The following CHSY3 variants were observed in gnomAD, a reference collection of about 807,000 sequenced individuals.
CHSY3 encodes chondroitin sulfate synthase 3.
In CHSY3, 35 loss-of-function variants were observed where a neutral mutation model predicts 67.2. The observed-to-expected ratio is 0.52, with a 90% CI of 0.40 to 0.69. The LOEUF (loss-of-function observed/expected upper bound fraction) is 0.69. Among genes scored for constraint, CHSY3 ranks in the 30% least tolerant of loss-of-function variants. The pLI is 0.00. For missense variants in CHSY3, 1,069 were observed against 1,138.5 expected (o/e 0.94, Z 0.88); for synonymous variants, 474 against 434.7 (o/e 1.09, Z -1.12).
chr5:130,098,330 A>G (rs1323996252), intron 2 of CHSY3, among the ~76,000 whole-genome samples: 6 of 152,070 alleles, frequency 3.9e-5, no homozygotes, highest in Non-Finnish European at 8.8e-5. Flanking sequence ...TTCTCCTATA[A>G]CTTGGAAGGT....
intron 2 of CHSY3, among the ~76,000 whole-genome samples, chr5:129,927,151 A>T (rs1761143346): frequency 6.6e-6 from 1 of 151,818 alleles, no homozygotes; most frequent in African/African-American, 2.4e-5. Flanking sequence ...TTAAATTTCA[A>T]CTGAATTTTC....
intron 2 of CHSY3, among the ~76,000 whole-genome samples, chr5:130,007,790 T>C (rs547517244): frequency 2.5e-4 from 38 of 152,286 alleles, no homozygotes; most frequent in African/African-American, 8.7e-4. Context: ...CTGTTGGTTC[T>C]GTTCAGAACA....
chr5:130,055,551 G>A (rs1765503202), intron 2 of CHSY3, among the ~76,000 whole-genome samples: 1 of 152,082 alleles, frequency 6.6e-6, no homozygotes, highest in Admixed American at 6.6e-5. Context: ...TCAGCTATTA[G>A]TTGAGCTGTC....
intron 2 of CHSY3, among the ~76,000 whole-genome samples, chr5:130,052,979 C>A (rs1452173412): frequency 1.3e-5 from 2 of 152,046 alleles, no homozygotes; most frequent in African/African-American, 4.8e-5. Flanking sequence ...TGAAATACAG[C>A]AAACAAGGAG....
At chr5:130,037,589 A>G (rs1244596040) in intron 2 of CHSY3, among the ~76,000 whole-genome samples, 1 of 152,142 alleles carries the variant, frequency 6.6e-6, no homozygotes, top group African/African-American at 2.4e-5. Context: ...TATTATATAA[A>G]TAAAGTCTTA....
At chr5:130,064,484 C>A (rs1034403099) in intron 2 of CHSY3, among the ~76,000 whole-genome samples, 8 of 152,168 alleles carry the variant, frequency 5.3e-5, no homozygotes, top group African/African-American at 1.9e-4. Context: ...TTTGAAATGA[C>A]TTTTACTTGC....
intron 2 of CHSY3, among the ~76,000 whole-genome samples, chr5:130,065,107 A>C (rs1765841026): frequency 6.6e-6 from 1 of 152,206 alleles, no homozygotes; most frequent in Non-Finnish European, 1.5e-5. Context: ...CGGAGCCAAC[A>C]GATGCCAAAG....
At chr5:130,040,850 T>C (rs1048584563) in intron 2 of CHSY3, among the ~76,000 whole-genome samples, 19 of 152,258 alleles carry the variant, frequency 1.2e-4, no homozygotes, top group African/African-American at 4.6e-4. Context: ...CTGATCCCTT[T>C]GTGAGGCCCC....
chr5:130,175,638 G>A (rs1015847295), intron 2 of CHSY3, among the ~76,000 whole-genome samples: 2 of 151,610 alleles, frequency 1.3e-5, no homozygotes, highest in African/African-American at 4.9e-5. Context: ...AAACAGTATG[G>A]TACTGGTACC....
chr5:130,062,366 G>A (rs1455680183), intron 2 of CHSY3, among the ~76,000 whole-genome samples: 1 of 152,098 alleles, frequency 6.6e-6, no homozygotes, highest in African/African-American at 2.4e-5. Flanking sequence ...TGGACATAAA[G>A]ATGGAAATAA....
intron 2 of CHSY3, among the ~76,000 whole-genome samples, chr5:129,992,717 A>G (rs1489913106): frequency 6.6e-6 from 1 of 152,172 alleles, no homozygotes; most frequent in African/African-American, 2.4e-5. Flanking sequence ...AAGAGCAGCC[A>G]TTAGTAGTGT....
chr5:129,934,959 C>A (rs771404639), intron 2 of CHSY3, among the ~76,000 whole-genome samples: 1 of 152,106 alleles, frequency 6.6e-6, no homozygotes, highest in Non-Finnish European at 1.5e-5. Flanking sequence ...TCTACACTCA[C>A]ATTAAATGAA....
At chr5:130,175,690 G>A (rs1580801061) in intron 2 of CHSY3, among the ~76,000 whole-genome samples, 1 of 152,178 alleles carries the variant, frequency 6.6e-6, no homozygotes, top group African/African-American at 2.4e-5. Context: ...AGAGGCCTCA[G>A]AAACAATGCC....
chr5:130,117,168 G>A (rs906772696), intron 2 of CHSY3, among the ~76,000 whole-genome samples: 11 of 152,304 alleles, frequency 7.2e-5, no homozygotes, highest in African/African-American at 2.4e-4. Context: ...GCAGGGTCTG[G>A]GAGCCCTACG....
At chr5:130,171,300 G>A (rs1189627120) in intron 2 of CHSY3, among the ~76,000 whole-genome samples, 1 of 152,096 alleles carries the variant, frequency 6.6e-6, no homozygotes, top group Non-Finnish European at 1.5e-5. Flanking sequence ...GAGCAGTTAA[G>A]TTCAGTTATC....
chr5:130,047,029 A>G (rs1341249840), intron 2 of CHSY3, among the ~76,000 whole-genome samples: 6 of 151,806 alleles, frequency 4.0e-5, no homozygotes, highest in Admixed American at 1.3e-4. Context: ...TGTTAAAATA[A>G]ATTAATAAAA....
intron 2 of CHSY3, among the ~76,000 whole-genome samples, chr5:130,165,316 T>G (rs1769712518): frequency 6.6e-6 from 1 of 152,062 alleles, no homozygotes; most frequent in South Asian, 2.1e-4. Flanking sequence ...ATCGGTAAAA[T>G]AGATTGGAAT....
At chr5:129,983,402 T>C (rs1373571252) in intron 2 of CHSY3, among the ~76,000 whole-genome samples, 3 of 152,102 alleles carry the variant, frequency 2.0e-5, no homozygotes, top group Non-Finnish European at 4.4e-5. Context: ...CAACATTCCT[T>C]ATGGTATAAG....
At chr5:129,915,377 A>G (rs1419978897) in intron 2 of CHSY3, among the ~76,000 whole-genome samples, 1 of 152,204 alleles carries the variant, frequency 6.6e-6, no homozygotes, top group African/African-American at 2.4e-5. Flanking sequence ...AGGCTTAACT[A>G]CATATAAATC....
Sources: allele counts gnomAD v4.1 joint callset (sites outside exome capture counted in the v4.1 genomes callset), GRCh38; gene constraint gnomAD v4.1.1; transcripts MANE v1.5; gene names NCBI Gene and HGNC (gene_info 2026-07-23, HGNC 2026-07-21).